Variants in GALNT11 observed in about 807,000 individuals in gnomAD.
GALNT11 encodes UDP-GalNAc:polypeptide N-acetylgalactosaminyltransferase 11.
Under a neutral mutation model 72.7 loss-of-function variants are expected in GALNT11, and 47 were observed. That is an observed-to-expected ratio of 0.65 (90% CI 0.51 to 0.82). GALNT11 has a LOEUF of 0.82. GALNT11 is among the 40% of genes least tolerant of loss of function. The probability of loss-of-function intolerance (pLI) is 0.00; values close to 1 mark genes in which losing one functional copy is unlikely to be tolerated. For synonymous variants in GALNT11, 270 were observed against 286.6 expected (o/e 0.94, Z 0.58); for missense variants, 677 against 778.4 (o/e 0.87, Z 1.55).
chr7:152,120,796 C>A (rs202221793), intron 10 of GALNT11, 35 bp from the exon 11 acceptor site: 51 of 1,530,862 alleles, frequency 3.3e-5, no homozygotes, highest in South Asian at 1.1e-5. Flanking sequence ...TCTTAAAATT[C>A]GTTATCTAAA....
intron 1 of GALNT11, among the ~76,000 whole-genome samples, chr7:152,055,017 C>T (rs2083589754): frequency 6.6e-6 from 1 of 152,148 alleles, no homozygotes; most frequent in African/African-American, 2.4e-5. Flanking sequence ...ATCTGTGGAG[C>T]AGGCCAGAGA....
At chr7:152,045,796 C>CT (rs1353365871) in intron 1 of GALNT11, among the ~76,000 whole-genome samples, 1 of 151,678 alleles carries the variant, frequency 6.6e-6, no homozygotes, top group Non-Finnish European at 1.5e-5. Flanking sequence ...CTGCTGTGAT[C>CT]TTTTTTATTG....
At chr7:152,072,190 A>G (rs1410690914) in intron 1 of GALNT11, among the ~76,000 whole-genome samples, 2 of 151,162 alleles carry the variant, frequency 1.3e-5, no homozygotes, top group African/African-American at 4.9e-5. Flanking sequence ...ATGTTGGCGC[A>G]CGTCTGTTGT....
chr7:152,099,897 C>A (rs961135725), intron 2 of GALNT11, among the ~76,000 whole-genome samples: 1 of 150,320 alleles, frequency 6.7e-6, no homozygotes, highest in African/African-American at 2.4e-5. Flanking sequence ...CCTGAGTAGC[C>A]AAGTCATGGA....
At chr7:152,027,407 G>T (rs1200065259) in intron 1 of GALNT11, among the ~76,000 whole-genome samples, 2 of 152,172 alleles carry the variant, frequency 1.3e-5, no homozygotes. Context: ...CAAACAACCT[G>T]CAAGGCTCTT....
At position 152,122,199 on chromosome 7, in the gene GALNT11, G is replaced by GT. The variant is rs1405487323; in HGVS notation, c.*523dup. 6.6e-6 allele frequency: 1 copy of GT among 151,376 alleles called. No individual in the cohort carries two copies. The highest frequency in any genetic ancestry group is 2.4e-5 in the African/African-American group (1 of 41,160). The allele number at this position is 151,376 out of a possible 1,614,324, so 9.4% of individuals were successfully genotyped here. On this transcript the variant is annotated 3_prime_UTR_variant, in exon 12 of 12. Coordinates refer to ENST00000430044, the MANE Select transcript of GALNT11 (RefSeq NM_022087.4). ...ACTTCTATTATTTGTTTAGTATGTT[G>GT]TAAGTAGATCATTTTAAAAAACTGA...
chr7:152,110,938 T>C (rs1296044173), intron 7 of GALNT11, among the ~76,000 whole-genome samples: 2 of 152,020 alleles, frequency 1.3e-5, no homozygotes, highest in African/African-American at 2.4e-5. Context: ...CCCAGGCTGG[T>C]GTCGAACTCT....
chr7:152,071,744 G>A lies in GALNT11; in HGVS notation c.-38-22446G>A, dbSNP rs186054073. 1.5e-3 allele frequency among the ~76,000 whole-genome samples: 229 copies of A among 152,218 alleles called. 2 individuals are homozygous for A. The highest frequency in any genetic ancestry group is 5.3e-3 in the African/African-American group (219 of 41,530). On this transcript the variant is annotated intron_variant, in intron 1 of 11. Transcript: ENST00000430044. ...TAAGAAATTATAAAAGTATTAATTT[G>A]GGGAACTAATAAATGTCCATGAAAT...
intron 10 of GALNT11, chr7:152,119,027 T>G (rs1472192822): frequency 3.1e-6 from 1 of 324,876 alleles, no homozygotes; most frequent in East Asian, 5.4e-5. Context: ...ATAAATGGGT[T>G]AAAAGGAAGA....
intron 1 of GALNT11, among the ~76,000 whole-genome samples, chr7:152,068,518 A>G (rs964704285): frequency 6.6e-6 from 1 of 152,198 alleles, no homozygotes; most frequent in African/African-American, 2.4e-5. Flanking sequence ...GATAGTTTAA[A>G]GAAATTGGTA....
At chr7:152,099,426 C>A (rs187322718) in intron 2 of GALNT11, among the ~76,000 whole-genome samples, 2 of 148,858 alleles carry the variant, frequency 1.3e-5, no homozygotes, top group Admixed American at 1.3e-4. Context: ...TGCAGTGGCG[C>A]GATCTTGGCT....
intron 2 of GALNT11, among the ~76,000 whole-genome samples, chr7:152,097,976 G>A (rs1376498182): frequency 6.6e-6 from 1 of 152,140 alleles, no homozygotes; most frequent in African/African-American, 2.4e-5. Context: ...CTAATGGTAT[G>A]TTTTATGTTA....
intron 1 of GALNT11, among the ~76,000 whole-genome samples, chr7:152,075,566 C>G (rs1423412605): frequency 0.028 from 1 of 36 alleles, no homozygotes; most frequent in Admixed American, 0.5. Flanking sequence ...CTTTGGGAGG[C>G]CAAGGCAAGG....
intron 1 of GALNT11, among the ~76,000 whole-genome samples, chr7:152,070,154 G>A (rs1280805921): frequency 2.0e-5 from 3 of 151,840 alleles, no homozygotes; most frequent in African/African-American, 4.8e-5. Context: ...CCGCCACCAC[G>A]CCCAGCTAAT....
chr7:152,121,091 C>T lies in GALNT11; in HGVS notation c.1695+123C>T, dbSNP rs2089384178. On this transcript the variant is annotated intron_variant, in intron 11 of 11. Transcript: ENST00000430044. ...TCTTCTCAGTCTGCAGTACAGTGGT[C>T]CCCCCAGAAACCACAGGTAGTACAA... 2.6e-6 allele frequency: 3 copies of T among 1,174,150 alleles called. No homozygotes were observed. In the South Asian group the frequency reaches 4.9e-5, roughly 19 times the overall value. 72.7% of individuals were successfully genotyped at this position (1,174,150 alleles called of 1,614,324 possible).
chr7:152,035,401 A>G (rs1323906411), intron 1 of GALNT11, among the ~76,000 whole-genome samples: 3 of 152,200 alleles, frequency 2.0e-5, no homozygotes, highest in Non-Finnish European at 2.9e-5. Flanking sequence ...TTTTTCTGAC[A>G]AGCATTAGGA....
intron 8 of GALNT11, among the ~76,000 whole-genome samples, chr7:152,114,006 C>A (rs909951078): frequency 6.6e-6 from 1 of 151,668 alleles, no homozygotes; most frequent in Non-Finnish European, 1.5e-5. Flanking sequence ...TCAAAAGATC[C>A]TCCTGCCTTG....
intron 8 of GALNT11, among the ~76,000 whole-genome samples, chr7:152,116,552 A>C (rs757816905): frequency 1.3e-5 from 2 of 152,202 alleles, no homozygotes; most frequent in Non-Finnish European, 2.9e-5. Flanking sequence ...AGACCAGTAC[A>C]TTTTAATGCA....
chr7:152,034,545 C>G (rs746439945), intron 1 of GALNT11, among the ~76,000 whole-genome samples: 2 of 152,124 alleles, frequency 1.3e-5, no homozygotes, highest in Non-Finnish European at 2.9e-5. Flanking sequence ...AAGGGTGAGC[C>G]TGTTGATGCC....
Sources: allele counts gnomAD v4.1 joint callset (sites outside exome capture counted in the v4.1 genomes callset), GRCh38; gene constraint gnomAD v4.1.1; transcripts MANE v1.5; gene names NCBI Gene and HGNC (gene_info 2026-07-23, HGNC 2026-07-21).